Variants in NLGN1 observed in about 807,000 individuals in gnomAD.
The protein encoded by NLGN1 is neuroligin 1.
Under a neutral mutation model 65.5 loss-of-function variants are expected in NLGN1, and 12 were observed. The observed-to-expected ratio is 0.18, with a 90% CI of 0.12 to 0.30. The LOEUF is 0.30. Ranked by LOEUF, NLGN1 falls within the 10% of genes least tolerant of loss-of-function variation. The probability of loss-of-function intolerance (pLI) is 1.00; values close to 1 mark genes in which losing one functional copy is unlikely to be tolerated. For synonymous variants in NLGN1, 350 were observed against 359.5 expected (o/e 0.97, Z 0.30); for missense variants, 750 against 1,007.1 (o/e 0.74, Z 3.46).
chr3:174,103,774 C>T (rs1260317768), intron 4 of NLGN1, among the ~76,000 whole-genome samples: 1 of 151,922 alleles, frequency 6.6e-6, no homozygotes, highest in Non-Finnish European at 1.5e-5. Context: ...TACTGTATGA[C>T]CTAGTCATAC....
At chr3:173,839,703 G>A (rs2150665447) in intron 4 of NLGN1, among the ~76,000 whole-genome samples, 1 of 152,260 alleles carries the variant, frequency 6.6e-6, no homozygotes, top group South Asian at 2.1e-4. Context: ...TTACAGGCGT[G>A]AGCCGCTGCG....
intron 4 of NLGN1, among the ~76,000 whole-genome samples, chr3:174,090,737 ATT>A (rs59855485): frequency 2.0e-5 from 3 of 146,922 alleles, no homozygotes; most frequent in Admixed American, 6.9e-5. Context: ...GAAAACAATG[ATT>A]TTTTTTTTTT....
intron 3 of NLGN1, among the ~76,000 whole-genome samples, chr3:173,623,079 C>T (rs1465001015): frequency 6.6e-6 from 1 of 152,084 alleles, no homozygotes; most frequent in Non-Finnish European, 1.5e-5. Flanking sequence ...CACAAAGAGC[C>T]AGCACCGTGT....
At chr3:174,274,719 T>G (rs1238803685) in intron 4 of NLGN1, among the ~76,000 whole-genome samples, 2 of 151,918 alleles carry the variant, frequency 1.3e-5, no homozygotes, top group African/African-American at 4.8e-5. Flanking sequence ...TCAAGTCATC[T>G]CTGACACAGT....
At chr3:173,526,955 C>T (rs1297811656) in intron 2 of NLGN1, among the ~76,000 whole-genome samples, 2 of 152,142 alleles carry the variant, frequency 1.3e-5, no homozygotes, top group Non-Finnish European at 2.9e-5. Context: ...AATTGTATTC[C>T]ATTGTGTATA....
intron 2 of NLGN1, among the ~76,000 whole-genome samples, chr3:173,536,780 TGC>T (rs925371908): frequency 6.6e-6 from 1 of 152,096 alleles, no homozygotes; most frequent in African/African-American, 2.4e-5. Flanking sequence ...TGTGTGTGTG[TGC>T]GTAGGGAGAG....
chr3:174,015,989 C>T (rs1248545421), intron 4 of NLGN1, among the ~76,000 whole-genome samples: 1 of 152,020 alleles, frequency 6.6e-6, no homozygotes, highest in East Asian at 1.9e-4. Context: ...ATCTGGAAGA[C>T]AAAAGCAACA....
intron 1 of NLGN1, among the ~76,000 whole-genome samples, chr3:173,408,001 C>T (rs559220351): frequency 6.6e-6 from 1 of 152,276 alleles, no homozygotes; most frequent in African/African-American, 2.4e-5. Flanking sequence ...GTTTGTGACA[C>T]TGGTTGATAC....
At chr3:174,017,604 A>G (rs1726849805) in intron 4 of NLGN1, among the ~76,000 whole-genome samples, 2 of 152,234 alleles carry the variant, frequency 1.3e-5, no homozygotes, top group Admixed American at 6.6e-5. Flanking sequence ...AAATAAAGGG[A>G]AAGACTACAA....
At chr3:174,240,898 T>C (rs1742672465) in intron 4 of NLGN1, among the ~76,000 whole-genome samples, 1 of 152,196 alleles carries the variant, frequency 6.6e-6, no homozygotes, top group Non-Finnish European at 1.5e-5. Context: ...TATACATGGC[T>C]CTACCATATT....
intron 2 of NLGN1, among the ~76,000 whole-genome samples, chr3:173,479,370 A>C (rs933036040): frequency 2.6e-5 from 4 of 152,188 alleles, no homozygotes; most frequent in Non-Finnish European, 5.9e-5. Flanking sequence ...ATATATAAAC[A>C]AACATGGGAA....
intron 3 of NLGN1, among the ~76,000 whole-genome samples, chr3:173,784,839 G>C (rs1328138135): frequency 6.6e-6 from 1 of 152,118 alleles, no homozygotes; most frequent in Non-Finnish European, 1.5e-5. Flanking sequence ...AGATAAACAA[G>C]GCATAGCAAG....
At chr3:173,803,393 C>T (rs1255280447) in intron 3 of NLGN1, among the ~76,000 whole-genome samples, 1 of 152,010 alleles carries the variant, frequency 6.6e-6, no homozygotes, top group Non-Finnish European at 1.5e-5. Flanking sequence ...CCGAGGTGGG[C>T]AGATCACTTG....
chr3:173,694,092 G>A (rs1450823270), intron 3 of NLGN1, among the ~76,000 whole-genome samples: 1 of 152,038 alleles, frequency 6.6e-6, no homozygotes, highest in Non-Finnish European at 1.5e-5. Flanking sequence ...AACAAAGAGA[G>A]AGCAATGAGA....
intron 4 of NLGN1, among the ~76,000 whole-genome samples, chr3:173,810,484 G>T (rs1383514679): frequency 3.9e-5 from 6 of 152,100 alleles, no homozygotes; most frequent in Non-Finnish European, 8.8e-5. Flanking sequence ...ATAGATTTGG[G>T]GGTCCAATGG....
chr3:174,262,421 T>C (rs1219370280), intron 4 of NLGN1, among the ~76,000 whole-genome samples: 14 of 132,460 alleles, frequency 1.1e-4, no homozygotes, highest in Non-Finnish European at 1.6e-4. Context: ...TGGGAGAGTG[T>C]ATGTGTCAAG....
intron 4 of NLGN1, among the ~76,000 whole-genome samples, chr3:174,068,932 TAACACCTGTA>T (rs1350000619): frequency 1.3e-5 from 2 of 152,338 alleles, no homozygotes; most frequent in Non-Finnish European, 2.9e-5. Flanking sequence ...GAGATTTATT[TAACACCTGTA>T]ACATGCCACG....
intron 4 of NLGN1, among the ~76,000 whole-genome samples, chr3:174,273,659 T>A (rs1360045230): frequency 1.3e-5 from 2 of 151,792 alleles, no homozygotes; most frequent in African/African-American, 4.8e-5. Context: ...ATTTGTTTAT[T>A]TGAACTGTAT....
At chr3:174,079,227 G>A (rs1488125405) in intron 4 of NLGN1, among the ~76,000 whole-genome samples, 23 of 151,958 alleles carry the variant, frequency 1.5e-4, no homozygotes, top group Admixed American at 7.9e-4. Context: ...AGTGGGCAAA[G>A]GACATGAACA....
Sources: gnomAD v4.1 joint callset for allele counts (sites outside exome capture counted in the v4.1 genomes callset) on GRCh38, gnomAD v4.1.1 for gene constraint, MANE v1.5 for transcripts, NCBI Gene and HGNC (gene_info 2026-07-23, HGNC 2026-07-21) for gene names.